CALB2: variants seen among roughly 807,000 people sequenced by gnomAD.
CALB2 encodes calretinin.
In CALB2, 34 loss-of-function variants were observed where a neutral mutation model predicts 45.9. The observed-to-expected ratio is 0.74, with a 90% confidence interval of 0.56 to 0.99. The LOEUF (loss-of-function observed/expected upper bound fraction) is 0.99, where lower values mean the gene tolerates loss of function less well. CALB2 is among the 50% of genes least tolerant of loss of function. The pLI, the probability that CALB2 is intolerant of heterozygous loss-of-function variation, is 0.00. For missense variants in CALB2, 344 were observed against 339.3 expected (o/e 1.01, Z -0.11); for synonymous variants, 142 against 129.6 (o/e 1.10, Z -0.65).
At chr16:71,388,568 A>G (rs973639119) in intron 10 of CALB2, among the ~76,000 whole-genome samples, 11 of 152,152 alleles carry the variant, frequency 7.2e-5, no homozygotes, top group Non-Finnish European at 1.0e-4. Context: ...CATTTATATG[A>G]GACAATGGGC....
intron 1 of CALB2, among the ~76,000 whole-genome samples, chr16:71,364,211 A>T (rs1325799809): frequency 6.6e-6 from 1 of 152,088 alleles, no homozygotes; most frequent in Non-Finnish European, 1.5e-5. Context: ...GTCTGTGAAG[A>T]GCTGGGGCTC....
At chr16:71,386,902 G>C (rs1266981947) in intron 10 of CALB2, among the ~76,000 whole-genome samples, 1 of 151,922 alleles carries the variant, frequency 6.6e-6, no homozygotes, top group Non-Finnish European at 1.5e-5. Context: ...AATTACTCTT[G>C]AAAGAGGCAG....
chr16:71,378,650 G>C (rs1294982264), intron 4 of CALB2, among the ~76,000 whole-genome samples: 2 of 152,214 alleles, frequency 1.3e-5, no homozygotes, highest in African/African-American at 2.4e-5. Context: ...AAAATGTAGG[G>C]AATAAGATGA....
At chr16:71,378,383 TAAA>T (rs771371930) in intron 4 of CALB2, among the ~76,000 whole-genome samples, 1 of 138,106 alleles carries the variant, frequency 7.2e-6, no homozygotes, top group Admixed American at 7.3e-5. Context: ...AACAGGAATT[TAAA>T]AAAAAAAAAA....
At chr16:71,383,885 T>G in intron 6 of CALB2, 85 bp from the exon 7 acceptor site, 8 of 1,491,404 alleles carry the variant, frequency 5.4e-6, no homozygotes, top group Non-Finnish European at 6.6e-6. Context: ...TCACCCGTCC[T>G]CCTTCCCATC....
rs1197548910 is a variant in CALB2 at position 71,389,807 on chromosome 16, C to G, written c.758C>G (p.Ala253Gly). The change falls in exon 11 of 11, where the codon GCA (alanine) becomes GGA (glycine). Residue 253 changes from alanine to glycine, a missense_variant. Physicochemically the swap from Ala to Gly is moderately conservative, Grantham distance 60. This residue lies in a region of CALB2 where 263 missense variants were observed against 241.7 expected (regional missense o/e 1.09). Coordinates refer to ENST00000302628, the MANE Select transcript of CALB2 (RefSeq NM_001740.5). ...AAGAGCGTCATGTCCTTGGCAGAGG[C>G]AGGGAAGCTCTACCGCAAGGACCTG... Reference protein sequence around the residue: ...YRKSVMSLAEAGKLYRKDLEI... With the variant: ...YRKSVMSLAEGGKLYRKDLEI... 1 of 1,613,926 alleles carries G rather than the reference C, an allele frequency of 6.2e-7. No individual in the cohort carries two copies. The highest frequency in any genetic ancestry group is 8.5e-7 in the Non-Finnish European group (1 of 1,180,008).
In CALB2 at chr16:71,385,639, A is replaced by G; in HGVS notation, c.690A>G (p.Lys230=). 1.9e-6 allele frequency: 3 copies of G among 1,613,890 alleles called. No individual in the cohort carries two copies. Among genetic ancestry groups the G allele is most frequent in the Non-Finnish European group, 2.5e-6 (3 of 1,179,956 alleles). ...LDALLKDLYE[K]NKKEMNIQQL... is the part of the protein sequence containing the mutation. ...CCCTTTTGAAGGATCTGTACGAGAA[A>G]AACAAAAAGGTGAGCAGCCAAGCCT... The change falls in exon 10 of 11, where the codon AAA becomes AAG. Residue 230 remains lysine (K), a synonymous_variant. Transcript: ENST00000302628.
Position 71,390,010 on chromosome 16 carries a change from T to C in CALB2, c.*145T>C. 3 of 621,654 alleles carry C rather than the reference T, an allele frequency of 4.8e-6. No homozygotes were observed. The highest frequency in any genetic ancestry group is 2.7e-5 in the Admixed American group (1 of 36,898). The allele number at this position is 621,654 out of a possible 1,614,324, so 38.5% of individuals were successfully genotyped here. A position where few individuals can be genotyped will look rare whatever the true frequency, so the allele number is the denominator to read the frequency against. ...TGCCTGCAGAGCAGGAAATGAGAGATAGAGGATGGGCAGCTGGGGGGCTGT... is the reference window on the plus strand; with the variant it reads ...TGCCTGCAGAGCAGGAAATGAGAGACAGAGGATGGGCAGCTGGGGGGCTGT... On this transcript the variant is annotated 3_prime_UTR_variant, in exon 11 of 11. Transcript: ENST00000302628.
chr16:71,384,219 T>C lies in CALB2; in HGVS notation c.534-120T>C, dbSNP rs1439273148. The C allele has an allele frequency of 9.9e-6, 10 of 1,006,544 alleles. No individual in the cohort carries two copies. The East Asian group carries it at 2.1e-4, about 22-fold the overall frequency. 62.4% of individuals were successfully genotyped at this position (1,006,544 alleles called of 1,614,324 possible). A position where few individuals can be genotyped will look rare whatever the true frequency, so the allele number is the denominator to read the frequency against. On this transcript the variant is annotated intron_variant, in intron 7 of 10. Coordinates refer to ENST00000302628, the MANE Select transcript of CALB2 (RefSeq NM_001740.5). ...CGTTTTTGAACTTCCCACTGATTCATTATGTGTGAAGTGCTCAGAAATCAT... is the reference window on the plus strand; with the variant it reads ...CGTTTTTGAACTTCCCACTGATTCACTATGTGTGAAGTGCTCAGAAATCAT...
At chr16:71,375,248 CATAT>C (rs898644126) in intron 3 of CALB2, among the ~76,000 whole-genome samples, 1 of 152,202 alleles carries the variant, frequency 6.6e-6, no homozygotes, top group Non-Finnish European at 1.5e-5. Context: ...CAGTAATTTA[CATAT>C]ATATACATAA....
intron 1 of CALB2, among the ~76,000 whole-genome samples, chr16:71,369,000 GTACTT>G (rs1008781033): frequency 6.6e-6 from 1 of 152,134 alleles, no homozygotes; most frequent in African/African-American, 2.4e-5. Flanking sequence ...CTAGAGATCT[GTACTT>G]TACTTCTTTG....
chr16:71,359,764 A>G (rs1481863964), intron 1 of CALB2, among the ~76,000 whole-genome samples: 1 of 152,194 alleles, frequency 6.6e-6, no homozygotes, highest in East Asian at 1.9e-4. Context: ...TGATATCACT[A>G]GAGACTCTGT....
intron 4 of CALB2, among the ~76,000 whole-genome samples, chr16:71,381,317 G>C (rs1157528159): frequency 6.6e-6 from 1 of 151,554 alleles, no homozygotes; most frequent in East Asian, 1.9e-4. Context: ...TTTTTCTGCA[G>C]AGAAAAGACA....
At chr16:71,370,461 C>A (rs968467094) in intron 1 of CALB2, among the ~76,000 whole-genome samples, 1 of 151,688 alleles carries the variant, frequency 6.6e-6, no homozygotes, top group South Asian at 2.1e-4. Context: ...CTTTGCTGCA[C>A]AGGAAATCAC....
At position 71,383,871 on chromosome 16, in the gene CALB2, C is replaced by T. The variant is rs545362518; in HGVS notation, c.478-99C>T. 20 of 1,356,242 alleles carry T rather than the reference C, an allele frequency of 1.5e-5. No individual in the cohort carries two copies. The South Asian group carries it at 2.1e-4, about 14-fold the overall frequency. 84.0% of individuals were successfully genotyped at this position (1,356,242 alleles called of 1,614,324 possible). On this transcript the variant is annotated intron_variant, in intron 6 of 10. Transcript: ENST00000302628. ...ACGGACCTCAGAGGAAGCATGAGCA[C>T]GTGTCACCCGTCCTCCTTCCCATCC...
At chr16:71,369,267 C>T (rs2042319889) in intron 1 of CALB2, among the ~76,000 whole-genome samples, 1 of 152,172 alleles carries the variant, frequency 6.6e-6, no homozygotes, top group Admixed American at 6.5e-5. Flanking sequence ...AGGGTGCTAT[C>T]ATTGTCCCCA....
intron 1 of CALB2, among the ~76,000 whole-genome samples, 192 bp from the exon 2 acceptor site, chr16:71,371,961 T>A (rs939405434): frequency 2.0e-5 from 3 of 152,206 alleles, no homozygotes; most frequent in Non-Finnish European, 2.9e-5. Flanking sequence ...CTGCTGAATG[T>A]ATGTTGTTCA....
At chr16:71,370,011 C>T (rs188661347) in intron 1 of CALB2, among the ~76,000 whole-genome samples, 89 of 152,308 alleles carry the variant, frequency 5.8e-4, no homozygotes, top group Non-Finnish European at 1.0e-3. Flanking sequence ...TTCCAGTTCT[C>T]CTAAGAAGCT....
At chr16:71,374,018 G>A (rs2042382357) in intron 2 of CALB2, among the ~76,000 whole-genome samples, 1 of 152,180 alleles carries the variant, frequency 6.6e-6, no homozygotes, top group Non-Finnish European at 1.5e-5. Context: ...GCCGTGCAAG[G>A]TGGGCTCATC....
Sources: gnomAD v4.1 joint callset for allele counts (sites outside exome capture counted in the v4.1 genomes callset) on GRCh38, gnomAD v4.1.1 for gene constraint, gnomAD v4.1.1 regional missense constraint, MANE v1.5 for transcripts, NCBI Gene and HGNC (gene_info 2026-07-23, HGNC 2026-07-21) for gene names.